Variants in BRI3 observed in about 807,000 individuals in gnomAD.
BRI3 encodes brain protein I3, also known as membrane protein BRI3.
BRI3 carries 6 observed loss-of-function variants against 12.8 expected under a neutral mutation model. The ratio of observed to expected loss-of-function variants is 0.47; its 90% CI spans 0.26 to 0.93. The LOEUF (loss-of-function observed/expected upper bound fraction) is 0.93, where lower values mean the gene tolerates loss of function less well. BRI3 is among the 40% of genes least tolerant of loss of function. The pLI is 0.15. For synonymous variants in BRI3, 91 were observed against 76.1 expected, an observed-to-expected ratio of 1.20 and a Z score of -1.02; for missense variants, 134 against 171.1, an observed-to-expected ratio of 0.78 and a Z score of 1.21.
At chr7:98,321,382 T>C in the BRI3 span, among the ~76,000 whole-genome samples, 1 of 152,164 alleles carries the variant, frequency 6.6e-6, no homozygotes, top group East Asian at 1.9e-4. Context: ...TACAATGTTT[T>C]GGAAAATACT....
At chr7:98,314,251 G>C (rs1237859563), downstream of BRI3, among the ~76,000 whole-genome samples, 1 of 152,064 alleles carries the variant, frequency 6.6e-6, no homozygotes, top group African/African-American at 2.4e-5. Flanking sequence ...CCAAAGTGCT[G>C]GGATTACAGG....
At chr7:98,315,438 G>A (rs1429728852), downstream of BRI3, 2 of 1,391,182 alleles carry the variant, frequency 1.4e-6, no homozygotes, top group African/African-American at 3.0e-5. Context: ...ATACGCTCAA[G>A]GCAATTTGCC....
At chr7:98,301,383 G>A (rs1800412186) in intron 1 of BRI3, among the ~76,000 whole-genome samples, 4 of 151,862 alleles carry the variant, frequency 2.6e-5, no homozygotes. Flanking sequence ...ATTCTCATGA[G>A]GTATCTGGGG....
downstream of BRI3, chr7:98,292,635 C>T (rs1340126308): frequency 1.9e-6 from 3 of 1,551,646 alleles, no homozygotes; most frequent in Non-Finnish European, 1.7e-6. Context: ...CCGCCCTTCT[C>T]CAGGCACCAG....
downstream of BRI3, chr7:98,310,720 T>C: frequency 1.4e-6 from 1 of 717,122 alleles, no homozygotes; most frequent in East Asian, 3.5e-5. Context: ...AGAGTCTCGC[T>C]GTGTTGCCCA....
intron 2 of BRI3, chr7:98,282,699 G>T: frequency 2.0e-6 from 1 of 493,620 alleles, no homozygotes; most frequent in Non-Finnish European, 3.6e-6. Flanking sequence ...TAGATCTTGG[G>T]GCATTGCACC....
chr7:98,292,642 C>T (rs1351153478), downstream of BRI3: 7 of 1,551,556 alleles, frequency 4.5e-6, no homozygotes, highest in East Asian at 2.4e-5. Flanking sequence ...TCTCCAGGCA[C>T]CAGAGGTCAT....
the BRI3 span, among the ~76,000 whole-genome samples, chr7:98,322,491 G>A: frequency 4.6e-5 from 7 of 152,120 alleles, no homozygotes; most frequent in Admixed American, 6.6e-5. Context: ...CAATCCCTTG[G>A]GGATAGGAGG....
intron 1 of BRI3, among the ~76,000 whole-genome samples, chr7:98,298,011 G>GC (rs1168885153): frequency 6.6e-6 from 1 of 150,474 alleles, no homozygotes; most frequent in Non-Finnish European, 1.5e-5. Context: ...CAGGAGGACT[G>GC]CCTGAGGTCA....
chr7:98,303,916 C>T (rs1396936578), upstream of BRI3, among the ~76,000 whole-genome samples: 1 of 152,166 alleles, frequency 6.6e-6, no homozygotes, highest in African/African-American at 2.4e-5. Flanking sequence ...GATAAGAAAC[C>T]TAATAAAATC....
upstream of BRI3, among the ~76,000 whole-genome samples, chr7:98,304,967 G>A (rs992164095): frequency 1.1e-4 from 16 of 149,906 alleles, no homozygotes; most frequent in Non-Finnish European, 2.2e-4. Context: ...CCTGGTTCAA[G>A]TGATTCTCCT....
downstream of BRI3, chr7:98,310,638 C>T (rs73391047): frequency 1.9e-3 from 2,729 of 1,405,012 alleles, 51 homozygotes; most frequent in African/African-American, 0.036. Flanking sequence ...AGTGCAGAAC[C>T]GGAATTACAC....
chr7:98,286,642 G>A (rs1445411205), intron 2 of BRI3, among the ~76,000 whole-genome samples: 1 of 152,150 alleles, frequency 6.6e-6, no homozygotes, highest in African/African-American at 2.4e-5. Context: ...GCTGGGGACA[G>A]GACTGCCCTG....
rs111569565 is a variant in BRI3, at chr7:98,310,296, G to A, written n.2926G>A. On this transcript the variant is annotated non_coding_transcript_exon_variant, in exon 2 of 2. Coordinates refer to the BRI3 transcript ENST00000485422. ...AGTCCTGTATTTCTTCTGAACTCACGCTCTGCAAAGCCAGGGCTGAATGTA... is the reference window on the plus strand; with the variant it reads ...AGTCCTGTATTTCTTCTGAACTCACACTCTGCAAAGCCAGGGCTGAATGTA... The A allele has an allele frequency of 4.0e-5, 30 of 756,444 alleles. No individual in the cohort carries two copies. In the South Asian group the frequency reaches 4.8e-4, roughly 12 times the overall value. 46.9% of individuals were successfully genotyped at this position (756,444 alleles called of 1,614,324 possible).
chr7:98,292,914 G>A (rs1800030232), downstream of BRI3: 1 of 1,403,944 alleles, frequency 7.1e-7, no homozygotes. Context: ...TGTGATAAGG[G>A]CAGGCAAAGC....
intron 2 of BRI3, 66 bp downstream of exon 2, chr7:98,282,519 G>A: frequency 7.5e-7 from 1 of 1,338,626 alleles, no homozygotes; most frequent in Non-Finnish European, 1.1e-6. Context: ...TAACCCCCAG[G>A]ACCTCACAGC....
downstream of BRI3, among the ~76,000 whole-genome samples, chr7:98,313,007 G>A (rs1053117395): frequency 1.1e-4 from 16 of 152,146 alleles, no homozygotes; most frequent in African/African-American, 3.6e-4. Flanking sequence ...CTGCGGCTGT[G>A]TGCATGGCAG....
the BRI3 span, among the ~76,000 whole-genome samples, chr7:98,318,594 A>G: frequency 6.6e-6 from 1 of 151,704 alleles, no homozygotes; most frequent in African/African-American, 2.4e-5. Context: ...AGGGTCTTAA[A>G]CGGACCCGCG....
At chr7:98,294,069 C>T (rs1562961434), downstream of BRI3, 10 of 1,614,030 alleles carry the variant, frequency 6.2e-6, no homozygotes, top group East Asian at 2.0e-4. Flanking sequence ...GGAAGCCACG[C>T]CTACCTGAGA....
Sources: allele counts gnomAD v4.1 joint callset (sites outside exome capture counted in the v4.1 genomes callset), GRCh38; gene constraint gnomAD v4.1.1; transcripts MANE v1.5; gene names NCBI Gene and HGNC (gene_info 2026-07-23, HGNC 2026-07-21).